Variants in CFAP161 observed in about 807,000 individuals in gnomAD.
CFAP161 encodes the protein cilia and flagella associated protein 161.
A neutral mutation model predicts 29.0 loss-of-function variants in CFAP161; 25 were observed. The observed-to-expected ratio is 0.86, with a 90% CI of 0.63 to 1.20. CFAP161 has a LOEUF of 1.20. Ranked by LOEUF, CFAP161 falls within the 50% of genes most tolerant of loss-of-function variation. The probability of loss-of-function intolerance (pLI) is 0.00; values close to 1 mark genes in which losing one functional copy is unlikely to be tolerated. For missense variants in CFAP161, 367 were observed against 371.9 expected (o/e 0.99, Z 0.11); for synonymous variants, 116 against 137.4 (o/e 0.84, Z 1.09).
upstream of CFAP161, among the ~76,000 whole-genome samples, chr15:81,133,212 TATATATATATA>T (rs1293454269): frequency 1.0e-3 from 47 of 45,784 alleles, 2 homozygotes; most frequent in East Asian, 3.1e-3. Flanking sequence ...TATATATATA[TATATATATATA>T]TGTATTTTTT....
chr15:81,134,252 G>T, upstream of CFAP161: 2 of 1,515,936 alleles, frequency 1.3e-6, no homozygotes, highest in South Asian at 2.4e-5. Context: ...CAATCGCCTG[G>T]GGCCGGGTCG....
intron 6 of CFAP161, 74 bp downstream of exon 6, chr15:81,148,005 T>C (rs1359705255): frequency 1.1e-5 from 13 of 1,228,762 alleles, no homozygotes; most frequent in South Asian, 4.0e-5. Flanking sequence ...AGAAGCTCAA[T>C]TGATAGTGTA....
upstream of CFAP161, among the ~76,000 whole-genome samples, chr15:81,133,211 ATATATATATATATGTAT>A (rs1262325724): frequency 9.4e-5 from 4 of 42,444 alleles, no homozygotes; most frequent in African/African-American, 2.8e-4. Context: ...ATATATATAT[ATATATATATATATGTAT>A]TTTTTTTTAA....
At chr15:81,123,019 G>T (rs1004769687) in intron 1 of CFAP161, among the ~76,000 whole-genome samples, 5 of 151,904 alleles carry the variant, frequency 3.3e-5, no homozygotes, top group African/African-American at 9.7e-5. Flanking sequence ...TGTTTCTTTT[G>T]CTGTGCAGAG....
intron 5 of CFAP161, among the ~76,000 whole-genome samples, chr15:81,145,729 C>T (rs1236573459): frequency 6.6e-6 from 1 of 152,172 alleles, no homozygotes; most frequent in Non-Finnish European, 1.5e-5. Flanking sequence ...GAGAGACCAC[C>T]AGGAACAACT....
intron 5 of CFAP161, 142 bp from the exon 6 acceptor site, chr15:81,147,716 G>T (rs770176170): frequency 4.0e-5 from 22 of 544,064 alleles, no homozygotes; most frequent in Non-Finnish European, 6.4e-5. Context: ...GCACATGACT[G>T]TGAATATATA....
upstream of CFAP161, among the ~76,000 whole-genome samples, chr15:81,130,352 C>G (rs778970073): frequency 8.5e-5 from 13 of 152,256 alleles, no homozygotes; most frequent in Non-Finnish European, 1.5e-4. Context: ...AGAGGCCCAG[C>G]TTTCAGCCTA....
At chr15:81,142,054 TC>T (rs1296137420) in intron 4 of CFAP161, among the ~76,000 whole-genome samples, 1 of 152,050 alleles carries the variant, frequency 6.6e-6, no homozygotes, top group Non-Finnish European at 1.5e-5. Flanking sequence ...CAATGGCGAA[TC>T]TATCTTGGGC....
At chr15:81,138,252 C>T (rs2141880460) in intron 4 of CFAP161, 117 bp downstream of exon 4, 1 of 805,782 alleles carries the variant, frequency 1.2e-6, no homozygotes, top group East Asian at 2.6e-5. Context: ...CCACCTCTGA[C>T]TTCACTATGG....
At chr15:81,100,349 G>GTATTTTGACTATACAGT (rs1894288966) in intron 1 of CFAP161, among the ~76,000 whole-genome samples, 1 of 151,500 alleles carries the variant, frequency 6.6e-6, no homozygotes, top group Non-Finnish European at 1.5e-5. Context: ...TTGACGTACA[G>GTATTTTGACTATACAGT]ATCAACTGCA....
At chr15:81,125,835 AG>A (rs759754879) in intron 1 of CFAP161, among the ~76,000 whole-genome samples, 44 of 152,196 alleles carry the variant, frequency 2.9e-4, no homozygotes, top group Non-Finnish European at 4.9e-4. Context: ...GTCATGAGAT[AG>A]TATAACAACT....
At chr15:81,105,356 T>C (rs970553050) in intron 1 of CFAP161, among the ~76,000 whole-genome samples, 2 of 22,110 alleles carry the variant, frequency 9.0e-5, no homozygotes, top group African/African-American at 1.9e-4. Flanking sequence ...CTTCCCTCCT[T>C]CCTTCTTTTC....
chr15:81,102,877 G>A (rs749197825), intron 1 of CFAP161, among the ~76,000 whole-genome samples: 3 of 152,088 alleles, frequency 2.0e-5, no homozygotes, highest in Non-Finnish European at 4.4e-5. Context: ...ATTTGGAAGG[G>A]AAGAATTTGA....
At chr15:81,112,812 T>A (rs545440795) in intron 1 of CFAP161, among the ~76,000 whole-genome samples, 1 of 152,238 alleles carries the variant, frequency 6.6e-6, no homozygotes, top group South Asian at 2.1e-4. Context: ...AAGAAAACAA[T>A]AGCAAATTAA....
In CFAP161 at chr15:81,148,522, G is replaced by A; in HGVS notation, c.895G>A (p.Asp299Asn). The change falls in exon 7 of 7, where the codon GAC (aspartate) becomes AAC (asparagine). Residue 299 changes from aspartate (D) to asparagine (N), a missense_variant. Transcript: ENST00000286732. ...TRAMEQAMGL[D>N]TQ ...AGCCATGGAGCAGGCCATGGGCCTT[G>A]ACACGCAGTAACACGCCAGGCACGT... 6.2e-7 allele frequency: 1 copy of A among 1,612,550 alleles called. No individual in the cohort carries two copies. The highest frequency in any genetic ancestry group is 8.5e-7 in the Non-Finnish European group (1 of 1,178,670).
upstream of CFAP161, chr15:81,134,254 G>T: frequency 2.6e-6 from 4 of 1,517,992 alleles, no homozygotes; most frequent in Non-Finnish European, 3.6e-6. Context: ...ATCGCCTGGG[G>T]CCGGGTCGTC....
chr15:81,125,052 A>G (rs1894623023), intron 1 of CFAP161, among the ~76,000 whole-genome samples: 1 of 151,770 alleles, frequency 6.6e-6, no homozygotes. Context: ...TTTATTTAAC[A>G]TAACATAACT....
chr15:81,133,990 A>G (rs1894760885), upstream of CFAP161, among the ~76,000 whole-genome samples: 1 of 152,214 alleles, frequency 6.6e-6, no homozygotes, highest in African/African-American at 2.4e-5. Context: ...TGTTGCCTCG[A>G]CAAGCAAGGG....
chr15:81,112,209 T>C (rs1230902442), intron 1 of CFAP161, among the ~76,000 whole-genome samples: 1 of 151,402 alleles, frequency 6.6e-6, no homozygotes, highest in Non-Finnish European at 1.5e-5. Flanking sequence ...TTTTTTTTCT[T>C]TACTACACTG....
Sources: gnomAD v4.1 joint callset for allele counts (sites outside exome capture counted in the v4.1 genomes callset) on GRCh38, gnomAD v4.1.1 for gene constraint, MANE v1.5 for transcripts, NCBI Gene and HGNC (gene_info 2026-07-23, HGNC 2026-07-21) for gene names.